Variants in GRM5 observed in about 807,000 individuals in gnomAD.
GRM5 encodes the protein metabotropic glutamate receptor 5.
In GRM5, 19 loss-of-function variants were observed where a neutral mutation model predicts 83.1. That is an observed-to-expected ratio of 0.23 (90% CI 0.16 to 0.34). The LOEUF is 0.34. Ranked by LOEUF, GRM5 falls within the 10% of genes least tolerant of loss-of-function variation. GRM5 has a pLI of 1.00. For missense variants in GRM5, 1,160 were observed against 1,588.3 expected, an observed-to-expected ratio of 0.73 and a Z score of 4.58; for synonymous variants, 675 against 633.6, an observed-to-expected ratio of 1.07 and a Z score of -0.98.
intron 3 of GRM5, among the ~76,000 whole-genome samples, chr11:88,730,438 A>T (rs1941781538): frequency 6.6e-6 from 1 of 152,112 alleles, no homozygotes; most frequent in Non-Finnish European, 1.5e-5. Context: ...AATTAGTTAA[A>T]CCATTGTGGA....
intron 8 of GRM5, among the ~76,000 whole-genome samples, chr11:88,533,933 G>A (rs1942075338): frequency 6.6e-6 from 1 of 152,106 alleles, no homozygotes; most frequent in Non-Finnish European, 1.5e-5. Flanking sequence ...TGGCTGAAAT[G>A]GGTCAACATA....
intron 4 of GRM5, among the ~76,000 whole-genome samples, chr11:88,629,052 T>C (rs1358884254): frequency 1.3e-5 from 2 of 152,182 alleles, no homozygotes; most frequent in Non-Finnish European, 2.9e-5. Flanking sequence ...TGCTTTCCTA[T>C]GTGCTCAGGA....
chr11:88,970,304 C>T (rs1339517950), intron 2 of GRM5, among the ~76,000 whole-genome samples: 2 of 152,112 alleles, frequency 1.3e-5, no homozygotes, highest in African/African-American at 2.4e-5. Flanking sequence ...ACTTACGAAG[C>T]TCTGCTTCTT....
intron 9 of GRM5, among the ~76,000 whole-genome samples, chr11:88,518,689 C>T (rs1335896578): frequency 1.3e-5 from 2 of 151,876 alleles, no homozygotes; most frequent in Non-Finnish European, 2.9e-5. Context: ...ATCCTGACCA[C>T]CATCCAAATC....
intron 2 of GRM5, among the ~76,000 whole-genome samples, chr11:88,882,934 G>C (rs1565275635): frequency 6.6e-6 from 1 of 152,198 alleles, no homozygotes; most frequent in South Asian, 2.1e-4. Context: ...GTAAAGGGGA[G>C]TTTCCCTGCC....
intron 2 of GRM5, among the ~76,000 whole-genome samples, chr11:88,935,867 G>A (rs1485937545): frequency 6.6e-6 from 1 of 151,754 alleles, no homozygotes. Context: ...AGAGAATATT[G>A]CCTCATTAGT....
intron 8 of GRM5, among the ~76,000 whole-genome samples, chr11:88,530,550 G>A (rs1941984076): frequency 6.6e-6 from 1 of 151,996 alleles, no homozygotes; most frequent in African/African-American, 2.4e-5. Context: ...TAAAAGATGT[G>A]CAGGTAAGAA....
At position 89,015,518 on chromosome 11, in the gene GRM5, C is replaced by T. The variant is rs2155024; in HGVS notation, c.661+31694G>A. Among the ~76,000 whole-genome samples, 53 of 151,880 alleles carry T rather than the reference C, an allele frequency of 3.5e-4. 1 individual carries two copies. The highest frequency in any genetic ancestry group is 6.8e-3 in the Middle Eastern group (2 of 292). On this transcript the variant is annotated intron_variant, in intron 2 of 9. Coordinates refer to ENST00000305447, the MANE Select transcript of GRM5 (RefSeq NM_001143831.3). The stretch of plus-strand genomic sequence containing the variant: ...TACAGGTAGTCACTCATAAAAAAAA[C>T]TTTTTTTCTGGATATTAGTCTGCCC...
intron 4 of GRM5, among the ~76,000 whole-genome samples, chr11:88,614,002 G>C (rs1489017844): frequency 6.6e-6 from 1 of 152,106 alleles, no homozygotes; most frequent in African/African-American, 2.4e-5. Context: ...AGAAGATTGG[G>C]TATTCAGTGA....
intron 4 of GRM5, among the ~76,000 whole-genome samples, chr11:88,649,751 A>G (rs560718321): frequency 4.6e-5 from 7 of 151,660 alleles, no homozygotes; most frequent in African/African-American, 1.7e-4. Flanking sequence ...AAAATGTTCT[A>G]AGAAAAATAT....
intron 6 of GRM5, among the ~76,000 whole-genome samples, chr11:88,593,539 G>A (rs948629926): frequency 6.6e-6 from 1 of 151,582 alleles, no homozygotes; most frequent in African/African-American, 2.4e-5. Flanking sequence ...TTAGCCAGGT[G>A]TGGTGGCAGG....
intron 7 of GRM5, among the ~76,000 whole-genome samples, chr11:88,585,549 C>G (rs1420958788): frequency 2.0e-5 from 3 of 152,144 alleles, no homozygotes; most frequent in Non-Finnish European, 4.4e-5. Flanking sequence ...ACTCTCAGTT[C>G]CATTTCAGTT....
Position 88,504,701 on chromosome 11 carries a change from A to G in GRM5, c.*3891T>C, listed in dbSNP as rs1373140223. ...AAGTGCTAAAATAAAACATATTTAT[A>G]CAAGTACAAAGCAAAACAATGCTGA... On this transcript the variant is annotated 3_prime_UTR_variant, in exon 10 of 10. Coordinates refer to ENST00000305447, the MANE Select transcript of GRM5 (RefSeq NM_001143831.3). 6.6e-6 allele frequency: 1 copy of G among 152,182 alleles called. No individual in the cohort carries two copies. The highest frequency in any genetic ancestry group is 2.4e-5 in the African/African-American group (1 of 41,464). The allele number at this position is 152,182 out of a possible 1,614,324, so 9.4% of individuals were successfully genotyped here. A position where few individuals can be genotyped will look rare whatever the true frequency, so the allele number is the denominator to read the frequency against.
chr11:89,048,533 A>G (rs1368907015), intron 1 of GRM5, among the ~76,000 whole-genome samples: 1 of 152,246 alleles, frequency 6.6e-6, no homozygotes, highest in East Asian at 1.9e-4. Flanking sequence ...AGCCTTGAGC[A>G]TGTAATTAAT....
intron 2 of GRM5, among the ~76,000 whole-genome samples, chr11:88,945,613 A>T (rs1400001917): frequency 2.0e-5 from 3 of 152,018 alleles, no homozygotes; most frequent in Non-Finnish European, 2.9e-5. Context: ...CTTCAACAAA[A>T]TTGACAAAAA....
At chr11:88,744,537 A>G (rs2135419876) in intron 3 of GRM5, among the ~76,000 whole-genome samples, 1 of 152,218 alleles carries the variant, frequency 6.6e-6, no homozygotes, top group South Asian at 2.1e-4. Flanking sequence ...GAAAATGCAC[A>G]TTTCTATGCC....
At chr11:88,995,203 A>C (rs1245178587) in intron 2 of GRM5, among the ~76,000 whole-genome samples, 1 of 152,108 alleles carries the variant, frequency 6.6e-6, no homozygotes, top group East Asian at 1.9e-4. Context: ...ATGAAATAAG[A>C]GATCCAGCAA....
chr11:88,651,503 CAA>C (rs1341097093), intron 4 of GRM5, among the ~76,000 whole-genome samples: 1 of 151,978 alleles, frequency 6.6e-6, no homozygotes, highest in East Asian at 1.9e-4. Context: ...CCCCAAATCT[CAA>C]GAGAGAAAAG....
intron 2 of GRM5, among the ~76,000 whole-genome samples, chr11:88,865,713 G>GA (rs200356988): frequency 0.29 from 42,844 of 149,506 alleles, 6,917 homozygotes; most frequent in Non-Finnish European, 0.38. Context: ...CAAATTACAA[G>GA]AAAAAAAAAC....
Sources: gnomAD v4.1 joint callset for allele counts (sites outside exome capture counted in the v4.1 genomes callset) on GRCh38, gnomAD v4.1.1 for gene constraint, MANE v1.5 for transcripts, NCBI Gene and HGNC (gene_info 2026-07-23, HGNC 2026-07-21) for gene names.